The following BCL7C variants were observed in gnomAD, a reference collection of about 807,000 sequenced individuals.
BCL7C encodes the protein BAF chromatin remodeling complex subunit BCL7C.
A neutral mutation model predicts 26.2 loss-of-function variants in BCL7C; 8 were observed. The ratio of observed to expected loss-of-function variants is 0.30; its 90% CI spans 0.18 to 0.55. The LOEUF is 0.55. Ranked by LOEUF, BCL7C falls within the 20% of genes least tolerant of loss-of-function variation. The pLI is 0.93. For synonymous variants in BCL7C, 90 were observed against 116.5 expected, an observed-to-expected ratio of 0.77 and a Z score of 1.47; for missense variants, 262 against 298.5, an observed-to-expected ratio of 0.88 and a Z score of 0.90.
intron 5 of BCL7C, among the ~76,000 whole-genome samples, chr16:30,838,967 A>C (rs923190616): frequency 1.3e-5 from 2 of 152,224 alleles, no homozygotes; most frequent in Admixed American, 1.3e-4. Context: ...TTCTGGGAAA[A>C]AAATGTCTCT....
chr16:30,862,412 C>G (rs987958275), intron 5 of BCL7C, among the ~76,000 whole-genome samples: 2 of 152,182 alleles, frequency 1.3e-5, no homozygotes, highest in African/African-American at 4.8e-5. Context: ...GCTGTATTGC[C>G]GCAAGGCTGC....
chr16:30,834,569 C>A lies in BCL7C; in HGVS notation c.*379G>T. 1 of 161,722 alleles carries A rather than the reference C, an allele frequency of 6.2e-6. No individual in the cohort carries two copies. Among genetic ancestry groups the A allele is most frequent in the Non-Finnish European group, 1.3e-5 (1 of 74,482 alleles). The allele number at this position is 161,722 out of a possible 1,614,324, so 10.0% of individuals were successfully genotyped here. A position where few individuals can be genotyped will look rare whatever the true frequency, so the allele number is the denominator to read the frequency against. On this transcript the variant is annotated 3_prime_UTR_variant, in exon 6 of 6. Coordinates refer to the BCL7C transcript ENST00000380317. This position sits in a 1 kb window ranked among gnomAD's most constrained non-coding sequence, Gnocchi z 4.3. Reference sequence around the variant, plus strand: ...CCGGAGGCTCAGTGCCGGCAGGACTCGGGACTCGGCGCCTCTCCCGGGGTG... The same window carrying A: ...CCGGAGGCTCAGTGCCGGCAGGACTAGGGACTCGGCGCCTCTCCCGGGGTG...
downstream of BCL7C, among the ~76,000 whole-genome samples, chr16:30,882,848 A>T (rs2055062888): frequency 6.6e-6 from 1 of 152,186 alleles, no homozygotes; most frequent in Non-Finnish European, 1.5e-5. Flanking sequence ...CTAACTGGAA[A>T]ATTACTTAAG....
At chr16:30,872,358 G>A (rs2054889092) in intron 5 of BCL7C, among the ~76,000 whole-genome samples, 1 of 152,148 alleles carries the variant, frequency 6.6e-6, no homozygotes. Flanking sequence ...GGTGCCCACA[G>A]GTGGAATAGG....
chr16:30,879,689 C>CAAAAAATAAAAAAAAAA (rs2055008371), intron 5 of BCL7C, among the ~76,000 whole-genome samples: 1 of 29,406 alleles, frequency 3.4e-5, no homozygotes, highest in African/African-American at 1.3e-4. Context: ...CCCTTCTCTA[C>CAAAAAATAAAAAAAAAA]AAAAAAAAAA....
chr16:30,863,152 C>G (rs1411452336), intron 5 of BCL7C, among the ~76,000 whole-genome samples: 1 of 152,112 alleles, frequency 6.6e-6, no homozygotes, highest in Non-Finnish European at 1.5e-5. Flanking sequence ...TTCCTTCTTT[C>G]CTGTTCCTCA....
chr16:30,835,305 G>T (rs2054562690), intron 5 of BCL7C, among the ~76,000 whole-genome samples: 1 of 152,170 alleles, frequency 6.6e-6, no homozygotes, highest in Non-Finnish European at 1.5e-5. Flanking sequence ...GCAGGCAGAG[G>T]GTGAGGCAGG....
intron 5 of BCL7C, among the ~76,000 whole-genome samples, chr16:30,873,406 C>T (rs1167597707): frequency 1.3e-5 from 2 of 152,032 alleles, no homozygotes; most frequent in Admixed American, 6.6e-5. Context: ...GGTATGGTTT[C>T]TTTTAGGGGT....
At chr16:30,874,577 C>T (rs919506539) in intron 5 of BCL7C, among the ~76,000 whole-genome samples, 4 of 152,046 alleles carry the variant, frequency 2.6e-5, no homozygotes, top group African/African-American at 9.7e-5. Context: ...GGAGATCGCA[C>T]CGCTGCACTC....
At chr16:30,872,213 G>T (rs939398952) in intron 5 of BCL7C, among the ~76,000 whole-genome samples, 1 of 152,152 alleles carries the variant, frequency 6.6e-6, no homozygotes, top group African/African-American at 2.4e-5. Flanking sequence ...GCCAGGAAGG[G>T]GAGAGAGGGA....
At chr16:30,851,279 C>T (rs755307188) in intron 5 of BCL7C, 71 of 241,370 alleles carry the variant, frequency 2.9e-4, no homozygotes, top group African/African-American at 7.8e-4. Context: ...CTCACTCTGT[C>T]GCCCAGGCTG....
chr16:30,844,883 C>T (rs1180867985), intron 5 of BCL7C, among the ~76,000 whole-genome samples: 1 of 152,174 alleles, frequency 6.6e-6, no homozygotes, highest in African/African-American at 2.4e-5. Context: ...CAGTAGAGGG[C>T]GCTGGTGGGA....
chr16:30,855,127 T>G (rs1223531923), intron 5 of BCL7C, among the ~76,000 whole-genome samples: 3 of 152,186 alleles, frequency 2.0e-5, no homozygotes, highest in Non-Finnish European at 2.9e-5. Context: ...ACTTTTTGTT[T>G]TGGCTGAGAT....
chr16:30,877,299 G>C (rs1181521655), intron 5 of BCL7C, among the ~76,000 whole-genome samples: 1 of 152,170 alleles, frequency 6.6e-6, no homozygotes, highest in Non-Finnish European at 1.5e-5. Flanking sequence ...GTAGAGACAG[G>C]ATCTTGCTCT....
At chr16:30,858,114 G>C (rs2054739942) in intron 5 of BCL7C, among the ~76,000 whole-genome samples, 1 of 152,162 alleles carries the variant, frequency 6.6e-6, no homozygotes, top group Non-Finnish European at 1.5e-5. Context: ...TGGGGGAATG[G>C]ATTTTTGGAA....
At position 30,876,688 on chromosome 16, in the gene BCL7C, T is replaced by C. The variant is rs1358098026; in HGVS notation, c.528+12172A>G. Among the ~76,000 whole-genome samples, 3 of 151,746 alleles carry C rather than the reference T, an allele frequency of 2.0e-5. No individual in the cohort carries two copies. In the East Asian group the frequency reaches 5.8e-4, roughly 29 times the overall value. ...AGGAGGTGAAATCAAACCCAAAGCC[T>C]GAGATAAGAGAGAGAAGGGGAGGGT... On this transcript the variant is annotated intron_variant, in intron 5 of 5. Transcript: ENST00000380317.
chr16:30,842,827 C>T (rs2054611025), intron 5 of BCL7C, among the ~76,000 whole-genome samples: 1 of 152,200 alleles, frequency 6.6e-6, no homozygotes. Flanking sequence ...CTCAGCCTCC[C>T]AAAGTGCTGG....
chr16:30,872,949 C>G (rs993678987), intron 5 of BCL7C, among the ~76,000 whole-genome samples: 9 of 152,320 alleles, frequency 5.9e-5, no homozygotes, highest in African/African-American at 1.9e-4. Context: ...AACCGTAAAT[C>G]AGACAATCCA....
At chr16:30,870,168 T>C (rs1035374781) in intron 5 of BCL7C, among the ~76,000 whole-genome samples, 7 of 152,148 alleles carry the variant, frequency 4.6e-5, no homozygotes, top group Non-Finnish European at 1.0e-4. Context: ...CATCTCCTTT[T>C]CCCCAAACTC....
Sources: gnomAD v4.1 joint callset for allele counts (sites outside exome capture counted in the v4.1 genomes callset) on GRCh38, gnomAD v4.1.1 for gene constraint, Gnocchi (gnomAD v3.1) non-coding constraint, MANE v1.5 for transcripts, NCBI Gene and HGNC (gene_info 2026-07-23, HGNC 2026-07-21) for gene names.